The following STK38 variants were observed in gnomAD, a reference collection of about 807,000 sequenced individuals.
STK38 encodes the protein serine/threonine kinase 38.
In STK38, 26 loss-of-function variants were observed where a neutral mutation model predicts 59.0. The ratio of observed to expected loss-of-function variants is 0.44; its 90% CI spans 0.32 to 0.61. The LOEUF is 0.61. Among genes scored for constraint, STK38 ranks in the 20% least tolerant of loss-of-function variants. The pLI is 0.04. For synonymous variants in STK38, 175 were observed against 176.6 expected (o/e 0.99, Z 0.07); for missense variants, 433 against 566.0 (o/e 0.76, Z 2.38).
At chr6:36,497,710 C>T (rs1776737915) in intron 12 of STK38, 70 bp downstream of exon 12, 1 of 1,282,434 alleles carries the variant, frequency 7.8e-7, no homozygotes, top group Non-Finnish European at 1.1e-6. Context: ...CAATGATGGT[C>T]CTTCCAAATT....
chr6:36,519,892 G>A (rs987233468), intron 5 of STK38, among the ~76,000 whole-genome samples: 5 of 152,138 alleles, frequency 3.3e-5, no homozygotes, highest in Middle Eastern at 3.4e-3. Context: ...ATTTTTCCAG[G>A]TAGCAAAAAT....
intron 2 of STK38, among the ~76,000 whole-genome samples, chr6:36,536,052 C>T (rs1777782723): frequency 6.6e-6 from 1 of 152,062 alleles, no homozygotes; most frequent in Non-Finnish European, 1.5e-5. Flanking sequence ...TACTACAAAG[C>T]TACAGTAATC....
rs1374624936 is a variant in STK38, at chr6:36,527,337, CAT to C, written c.132-1697_132-1696del. Among the ~76,000 whole-genome samples the C allele has an allele frequency of 6.4e-3, 881 of 138,076 alleles. 13 individuals carry two copies. Among genetic ancestry groups the C allele is most frequent in the African/African-American group, 0.024 (842 of 35,694 alleles). 90.6% of individuals were successfully genotyped at this position (138,076 alleles called of 152,430 possible). On this transcript the variant is annotated intron_variant, in intron 2 of 13. Coordinates refer to ENST00000229812, the MANE Select transcript of STK38 (RefSeq NM_007271.4). ...ATATACACACATATATATACACACACATATATGTAATATATGTATATATATTA... is the reference window on the plus strand; with the variant it reads ...ATATACACACATATATATACACACACATATGTAATATATGTATATATATTA...
At chr6:36,510,082 C>G (rs1231679001) in intron 7 of STK38, among the ~76,000 whole-genome samples, 2 of 152,246 alleles carry the variant, frequency 1.3e-5, no homozygotes, top group Non-Finnish European at 2.9e-5. Flanking sequence ...CAGGCCATCC[C>G]TGGCTTGAAG....
At chr6:36,518,697 A>G (rs142219013) in intron 5 of STK38, among the ~76,000 whole-genome samples, 9 of 152,302 alleles carry the variant, frequency 5.9e-5, no homozygotes, top group South Asian at 4.1e-4. Context: ...AGCTAGGATT[A>G]TAGGTGTGTG....
chr6:36,515,744 AAG>A (rs1440090507), intron 6 of STK38, among the ~76,000 whole-genome samples: 2 of 152,194 alleles, frequency 1.3e-5, no homozygotes, highest in Non-Finnish European at 2.9e-5. Context: ...TTGAGAGAAA[AAG>A]AAAATTTCTC....
At chr6:36,539,978 C>T (rs1323013279) in intron 2 of STK38, 94 bp downstream of exon 2, 2 of 1,553,782 alleles carry the variant, frequency 1.3e-6, no homozygotes, top group East Asian at 2.3e-5. Context: ...AAGGCTGCTA[C>T]TATTCTTGTC....
intron 2 of STK38, among the ~76,000 whole-genome samples, chr6:36,535,874 C>CAA (rs35930267): frequency 4.0e-5 from 3 of 75,358 alleles, no homozygotes; most frequent in Admixed American, 1.3e-4. Flanking sequence ...GACTCCGTCT[C>CAA]AAAAAAAAAA....
intron 7 of STK38, among the ~76,000 whole-genome samples, chr6:36,508,761 C>T (rs60493278): frequency 0.034 from 5,110 of 152,302 alleles, 294 homozygotes; most frequent in African/African-American, 0.11. Flanking sequence ...TGAGTGAGTG[C>T]GGGGTCCAGC....
intron 4 of STK38, chr6:36,522,411 G>C (rs1777398690): frequency 6.6e-6 from 1 of 152,312 alleles, no homozygotes; most frequent in African/African-American, 2.4e-5. Context: ...AAATGGAGCA[G>C]GTCAAAACTC....
intron 7 of STK38, among the ~76,000 whole-genome samples, chr6:36,511,663 C>CT (rs1695187260): frequency 2.0e-5 from 3 of 151,778 alleles, no homozygotes; most frequent in South Asian, 4.2e-4. Flanking sequence ...GCCTCAGTAT[C>CT]TTTTTTTGCA....
intron 5 of STK38, among the ~76,000 whole-genome samples, chr6:36,519,613 T>C (rs1426651754): frequency 6.6e-6 from 1 of 152,116 alleles, no homozygotes; most frequent in Non-Finnish European, 1.5e-5. Context: ...AGAAACCTCA[T>C]GGTTTGAAAG....
intron 7 of STK38, among the ~76,000 whole-genome samples, chr6:36,513,516 T>C (rs1345132904): frequency 2.0e-5 from 3 of 151,632 alleles, no homozygotes; most frequent in Non-Finnish European, 2.9e-5. Flanking sequence ...GGTTTCACCA[T>C]GTTGGCCAGG....
intron 1 of STK38, among the ~76,000 whole-genome samples, chr6:36,546,241 A>T (rs1382219701): frequency 6.6e-6 from 1 of 152,148 alleles, no homozygotes; most frequent in Non-Finnish European, 1.5e-5. Context: ...TAGGAAATAT[A>T]CTCATTTTTG....
intron 2 of STK38, 127 bp from the exon 3 acceptor site, chr6:36,525,769 T>A: frequency 1.4e-6 from 1 of 698,260 alleles, no homozygotes; most frequent in Admixed American, 3.0e-5. Flanking sequence ...AATGTCTCAT[T>A]AAAACAAAAA....
intron 11 of STK38, 133 bp downstream of exon 11, chr6:36,498,230 C>A (rs369799179): frequency 7.8e-7 from 1 of 1,280,864 alleles, no homozygotes; most frequent in Non-Finnish European, 1.1e-6. Flanking sequence ...CCATGCACAG[C>A]CTTTTTATTT....
chr6:36,524,993 G>A (rs12193641), intron 3 of STK38, among the ~76,000 whole-genome samples: 12,781 of 152,064 alleles, frequency 0.084, 650 homozygotes, highest in Admixed American at 0.12. Flanking sequence ...GTATCTGTGG[G>A]CACTGGGTGG....
intron 7 of STK38, 60 bp from the exon 8 acceptor site, chr6:36,507,662 T>A: frequency 8.0e-7 from 1 of 1,250,270 alleles, no homozygotes; most frequent in Non-Finnish European, 1.2e-6. Context: ...AACAGAACAT[T>A]ACGTTCTGCT....
chr6:36,513,951 C>G lies in STK38; in HGVS notation c.669+1387G>C, dbSNP rs189806905. On this transcript the variant is annotated intron_variant, in intron 7 of 13. Coordinates refer to ENST00000229812, the MANE Select transcript of STK38 (RefSeq NM_007271.4). ...CGGGCAGATCACAAGGTCAGGAGAT[C>G]GAGACCATCATGGCTAACACCGTGA... Among the ~76,000 whole-genome samples, 45 of 149,630 alleles carry G rather than the reference C, an allele frequency of 3.0e-4. No homozygotes were observed. In the East Asian group the frequency reaches 8.3e-3, roughly 28 times the overall value.
Sources: gnomAD v4.1 joint callset for allele counts (sites outside exome capture counted in the v4.1 genomes callset) on GRCh38, gnomAD v4.1.1 for gene constraint, MANE v1.5 for transcripts, NCBI Gene and HGNC (gene_info 2026-07-23, HGNC 2026-07-21) for gene names.